ADAMTSL1: variants seen among roughly 807,000 people sequenced by gnomAD.
The protein encoded by ADAMTSL1 is ADAMTS like 1.
In ADAMTSL1, 126 loss-of-function variants were observed where a neutral mutation model predicts 201.8. The ratio of observed to expected loss-of-function variants is 0.62; its 90% confidence interval spans 0.54 to 0.72. ADAMTSL1 has a LOEUF of 0.72. Among genes scored for constraint, ADAMTSL1 ranks in the 30% least tolerant of loss-of-function variants. The probability of loss-of-function intolerance (pLI) is 0.00; values close to 1 mark genes in which losing one functional copy is unlikely to be tolerated. For synonymous variants in ADAMTSL1, 1,121 were observed against 903.4 expected (o/e 1.24, Z -4.32); for missense variants, 2,679 against 2,277.8 (o/e 1.18, Z -3.59).
intron 23 of ADAMTSL1, 64 bp downstream of exon 23, chr9:18,830,041 G>A (rs1824878242): frequency 2.6e-6 from 4 of 1,540,850 alleles, no homozygotes; most frequent in Non-Finnish European, 2.6e-6. Context: ...ATGGATGGGT[G>A]ACTGTTTGCA....
At chr9:17,987,999 A>G (rs1421712208) in intron 1 of ADAMTSL1, among the ~76,000 whole-genome samples, 1 of 152,052 alleles carries the variant, frequency 6.6e-6, no homozygotes, top group East Asian at 1.9e-4. Flanking sequence ...TTGGTTCATT[A>G]AAGTAGTAAT....
chr9:18,889,699 C>T lies in ADAMTSL1; in HGVS notation c.4594C>T (p.Arg1532Cys), dbSNP rs778869300. The T allele has an allele frequency of 3.8e-6, 6 of 1,582,954 alleles. No individual in the cohort carries two copies. The South Asian group carries it at 4.6e-5, about 12-fold the overall frequency. ...VNPAHCAGKVRPAVQPIACNR... is the reference protein window; with the variant it reads ...VNPAHCAGKVCPAVQPIACNR... The stretch of plus-strand genomic sequence containing the variant: ...CCCTGCCCACTGCGCAGGGAAGGTT[C>T]GCCCTGCGGTGCAGCCCATCGCGTG... The change falls in exon 25 of 29, where the codon CGC becomes TGC. Residue 1532 changes from arginine (R) to cysteine (C), a missense_variant. Transcript: ENST00000380548.
chr9:18,077,878 G>T (rs1388241152), intron 1 of ADAMTSL1, among the ~76,000 whole-genome samples: 1 of 152,154 alleles, frequency 6.6e-6, no homozygotes, highest in Non-Finnish European at 1.5e-5. Context: ...GTTGTCTTTG[G>T]ATGTAAGAGA....
At chr9:18,070,218 G>A (rs114448857) in intron 1 of ADAMTSL1, among the ~76,000 whole-genome samples, 61 of 152,314 alleles carry the variant, frequency 4.0e-4, no homozygotes, top group African/African-American at 1.2e-3. Context: ...GGAGAGCACC[G>A]TCTAGTGAAG....
chr9:18,281,627 A>G (rs1373529808), intron 2 of ADAMTSL1, among the ~76,000 whole-genome samples: 1 of 152,246 alleles, frequency 6.6e-6, no homozygotes, highest in Non-Finnish European at 1.5e-5. Context: ...ATAAGAATAG[A>G]TTGAAATAGA....
At chr9:18,181,405 T>C (rs1466534966) in intron 2 of ADAMTSL1, among the ~76,000 whole-genome samples, 1 of 152,114 alleles carries the variant, frequency 6.6e-6, no homozygotes, top group African/African-American at 2.4e-5. Flanking sequence ...AGGGGTAATA[T>C]CCAGAATCTA....
At chr9:18,249,089 C>G (rs757934209) in intron 2 of ADAMTSL1, among the ~76,000 whole-genome samples, 1 of 152,078 alleles carries the variant, frequency 6.6e-6, no homozygotes, top group Non-Finnish European at 1.5e-5. Context: ...CTGGAGGCAT[C>G]CGTGATGCGA....
intron 4 of ADAMTSL1, among the ~76,000 whole-genome samples, chr9:18,611,843 G>T (rs759989766): frequency 1.3e-5 from 2 of 152,178 alleles, no homozygotes; most frequent in Non-Finnish European, 1.5e-5. Context: ...TTTAACCACA[G>T]AGGCTGCCGA....
intron 2 of ADAMTSL1, among the ~76,000 whole-genome samples, chr9:18,206,003 G>A (rs773845994): frequency 6.1e-5 from 8 of 130,658 alleles, no homozygotes; most frequent in African/African-American, 1.5e-4. Flanking sequence ...GCAGTGAGCT[G>A]AGATCACGTC....
chr9:18,730,802 G>C (rs1489174735), intron 15 of ADAMTSL1, among the ~76,000 whole-genome samples: 1 of 152,194 alleles, frequency 6.6e-6, no homozygotes, highest in Non-Finnish European at 1.5e-5. Context: ...CTGCATGCTG[G>C]AACAGCTGAA....
rs1819174535 is a variant in ADAMTSL1 at position 18,527,712 on chromosome 9, A to G, written c.192-5535A>G. The stretch of plus-strand genomic sequence containing the variant: ...TGTATCCAGTATATACTAATCTCTT[A>G]AGTGAATTAAAGACTGAATAATTCA... On this transcript the variant is annotated intron_variant, in intron 2 of 28. Transcript: ENST00000380548. Among the ~76,000 whole-genome samples the G allele has an allele frequency of 2.0e-5, 3 of 152,318 alleles. 1 individual carries two copies. In the South Asian group the frequency reaches 6.2e-4, roughly 32 times the overall value.
chr9:18,358,568 C>T (rs1026805528), intron 2 of ADAMTSL1, among the ~76,000 whole-genome samples: 5 of 152,132 alleles, frequency 3.3e-5, no homozygotes, highest in African/African-American at 1.2e-4. Flanking sequence ...GACTAATCAA[C>T]TTTCTGTCTC....
chr9:18,578,648 A>C (rs1822889943), intron 4 of ADAMTSL1, among the ~76,000 whole-genome samples: 1 of 152,258 alleles, frequency 6.6e-6, no homozygotes. Context: ...AGATTAAGTA[A>C]TCAAGTGCAT....
chr9:18,365,928 C>T (rs993240465), intron 2 of ADAMTSL1, among the ~76,000 whole-genome samples: 2 of 152,096 alleles, frequency 1.3e-5, no homozygotes, highest in African/African-American at 4.8e-5. Context: ...TTGTGTGCTC[C>T]TTATGAGAAT....
At chr9:18,187,699 T>G (rs1828799471) in intron 2 of ADAMTSL1, among the ~76,000 whole-genome samples, 1 of 152,032 alleles carries the variant, frequency 6.6e-6, no homozygotes, top group Non-Finnish European at 1.5e-5. Context: ...ATAGTAAGTT[T>G]GTAATTTAAA....
chr9:18,886,166 G>GTATGTATGTATA (rs55916376), intron 23 of ADAMTSL1, among the ~76,000 whole-genome samples: 1 of 37,138 alleles, frequency 2.7e-5, no homozygotes, highest in Non-Finnish European at 4.9e-5. Context: ...GTGTGTATGT[G>GTATGTATGTATA]TATATATATA....
intron 1 of ADAMTSL1, among the ~76,000 whole-genome samples, chr9:18,126,197 A>G (rs1156669360): frequency 6.6e-6 from 1 of 152,202 alleles, no homozygotes; most frequent in Non-Finnish European, 1.5e-5. Flanking sequence ...TATCTTAAAT[A>G]CAAAATACAT....
intron 8 of ADAMTSL1, among the ~76,000 whole-genome samples, chr9:18,660,316 T>C (rs1828998541): frequency 6.6e-6 from 1 of 152,226 alleles, no homozygotes; most frequent in African/African-American, 2.4e-5. Flanking sequence ...CTCTTCTCTG[T>C]TTCTGGTTCC....
At chr9:18,170,248 C>G (rs971826460) in intron 2 of ADAMTSL1, among the ~76,000 whole-genome samples, 9 of 151,956 alleles carry the variant, frequency 5.9e-5, no homozygotes, top group Non-Finnish European at 8.8e-5. Context: ...GTATTCTAAA[C>G]TAATACTCTA....
Sources: allele counts gnomAD v4.1 joint callset (sites outside exome capture counted in the v4.1 genomes callset), GRCh38; gene constraint gnomAD v4.1.1; transcripts MANE v1.5; gene names NCBI Gene and HGNC (gene_info 2026-07-23, HGNC 2026-07-21).